EPHB2: variants seen among roughly 807,000 people sequenced by gnomAD.
EPHB2 encodes ephrin type-B receptor 2.
A neutral mutation model predicts 96.4 loss-of-function variants in EPHB2; 18 were observed. That is an observed-to-expected ratio of 0.19 (90% CI 0.13 to 0.28). EPHB2 has a LOEUF of 0.28. EPHB2 is among the 10% of genes least tolerant of loss of function. The probability of loss-of-function intolerance (pLI) is 1.00; values close to 1 mark genes in which losing one functional copy is unlikely to be tolerated. For synonymous variants in EPHB2, 506 were observed against 534.1 expected (o/e 0.95, Z 0.72); for missense variants, 989 against 1,355.4 (o/e 0.73, Z 4.25).
chr1:22,858,292 G>T lies in EPHB2; in HGVS notation c.812-4745G>T, dbSNP rs187335343. 1.4e-4 allele frequency among the ~76,000 whole-genome samples: 21 copies of T among 152,320 alleles called. No individual in the cohort carries two copies. In the East Asian group the frequency reaches 4.1e-3, roughly 29 times the overall value. ...CTCACAGGCCTTGTAGCCAGGCTAG[G>T]CATGTGGGTCTATTCTAAGTGCAGT... On this transcript the variant is annotated intron_variant, in intron 3 of 15. Transcript: ENST00000374630. This position sits in a 1 kb window ranked among gnomAD's most constrained non-coding sequence, Gnocchi z 7.7.
chr1:22,819,638 T>C (rs1645125042), intron 3 of EPHB2, among the ~76,000 whole-genome samples: 1 of 152,086 alleles, frequency 6.6e-6, no homozygotes, highest in Non-Finnish European at 1.5e-5. Context: ...TGACAGATCT[T>C]GACATGTCGT....
chr1:22,793,216 A>G (rs759351357), intron 3 of EPHB2, among the ~76,000 whole-genome samples: 3 of 152,192 alleles, frequency 2.0e-5, no homozygotes, highest in Non-Finnish European at 4.4e-5. Flanking sequence ...AGAACAGCTC[A>G]TTCATTTTTC....
intron 1 of EPHB2, among the ~76,000 whole-genome samples, chr1:22,773,181 G>A (rs1335905401): frequency 6.6e-6 from 1 of 152,206 alleles, no homozygotes; most frequent in Non-Finnish European, 1.5e-5. Flanking sequence ...CAAGGATTTT[G>A]TCATCTCCAT....
chr1:22,715,697 A>G (rs1643275324), intron 1 of EPHB2, among the ~76,000 whole-genome samples: 1 of 152,210 alleles, frequency 6.6e-6, no homozygotes, highest in East Asian at 1.9e-4. Context: ...TTAAAGAGTC[A>G]CCAGGCACCT....
At chr1:22,729,358 A>G (rs1643653511) in intron 1 of EPHB2, among the ~76,000 whole-genome samples, 1 of 152,350 alleles carries the variant, frequency 6.6e-6, no homozygotes, top group Middle Eastern at 3.4e-3. Context: ...ACAGAAACAC[A>G]CAGACCTATA....
rs1439420793 is a variant in EPHB2, at chr1:22,913,712, C to T, written c.*142C>T. 2.5e-6 allele frequency: 4 copies of T among 1,601,832 alleles called. No homozygotes were observed. The highest frequency in any genetic ancestry group is 3.4e-6 in the Non-Finnish European group (4 of 1,174,348). ...CACGGGAAGAACCAAGCGGTGCCAG[C>T]CACGAGACGTCACCAAGAAAACATG... On this transcript the variant is annotated 3_prime_UTR_variant, in exon 16 of 16. Coordinates refer to ENST00000374630, the MANE Select transcript of EPHB2 (RefSeq NM_017449.5). This position sits in a 1 kb window ranked among gnomAD's most constrained non-coding sequence, Gnocchi z 4.1.
chr1:22,865,947 C>T (rs1039328095), intron 5 of EPHB2, among the ~76,000 whole-genome samples: 11 of 152,032 alleles, frequency 7.2e-5, no homozygotes, highest in Admixed American at 4.6e-4. Flanking sequence ...CTTTCCTTCA[C>T]GGCAAAAAAG....
At chr1:22,807,370 T>G (rs1295544806) in intron 3 of EPHB2, among the ~76,000 whole-genome samples, 2 of 152,152 alleles carry the variant, frequency 1.3e-5, no homozygotes, top group Non-Finnish European at 2.9e-5. Flanking sequence ...ATATCCCCAT[T>G]TTATAGATGG....
chr1:22,898,974 G>T (rs1308971701), intron 9 of EPHB2, among the ~76,000 whole-genome samples: 2 of 152,128 alleles, frequency 1.3e-5, no homozygotes, highest in Admixed American at 6.5e-5. Context: ...CACTTTAGGA[G>T]GCCAAGGTCG....
At chr1:22,744,904 T>C (rs1271160900) in intron 1 of EPHB2, among the ~76,000 whole-genome samples, 1 of 151,878 alleles carries the variant, frequency 6.6e-6, no homozygotes, top group Non-Finnish European at 1.5e-5. Flanking sequence ...AGAAAGCATA[T>C]TCACTATTCA....
In EPHB2 at chr1:22,858,242, C is replaced by T. The variant is rs952830744; in HGVS notation, c.812-4795C>T. Among the ~76,000 whole-genome samples, 5 of 152,108 alleles carry T rather than the reference C, an allele frequency of 3.3e-5. No homozygotes were observed. Among genetic ancestry groups the T allele is most frequent in the African/African-American group, 4.8e-5 (2 of 41,422 alleles). On this transcript the variant is annotated intron_variant, in intron 3 of 15. Coordinates refer to ENST00000374630, the MANE Select transcript of EPHB2 (RefSeq NM_017449.5). This position sits in a 1 kb window ranked among gnomAD's most constrained non-coding sequence, Gnocchi z 7.7. ...AGTGAGTGAGAGGAGGAGGGGGAAG[C>T]GTCCAGGAGACCATCAGGACCAACC...
At chr1:22,868,256 A>G (rs768204486) in intron 5 of EPHB2, among the ~76,000 whole-genome samples, 23 of 152,292 alleles carry the variant, frequency 1.5e-4, no homozygotes, top group Admixed American at 2.6e-4. Context: ...ATAGGCACAC[A>G]GGGAGAGCCC....
intron 1 of EPHB2, among the ~76,000 whole-genome samples, chr1:22,771,306 A>G (rs1029506690): frequency 6.6e-6 from 1 of 152,226 alleles, no homozygotes; most frequent in Non-Finnish European, 1.5e-5. Flanking sequence ...CACCAGGGTC[A>G]TCAGGGAAGC....
chr1:22,903,105 G>T lies in EPHB2; in HGVS notation c.1766-2882G>T, dbSNP rs569014836. Reference sequence around the variant, plus strand: ...GGAGAGCTGGGAATGCCAGGCAGGGGCATGCAGCTTTGTCCTGCAAGCAAC... The same window carrying T: ...GGAGAGCTGGGAATGCCAGGCAGGGTCATGCAGCTTTGTCCTGCAAGCAAC... On this transcript the variant is annotated intron_variant, in intron 9 of 15. Coordinates refer to ENST00000374630, the MANE Select transcript of EPHB2 (RefSeq NM_017449.5). 2.8e-4 allele frequency among the ~76,000 whole-genome samples: 43 copies of T among 152,358 alleles called. 1 individual carries two copies. Among genetic ancestry groups the T allele is most frequent in the African/African-American group, 9.9e-4 (41 of 41,584 alleles).
intron 4 of EPHB2, among the ~76,000 whole-genome samples, chr1:22,863,739 G>A (rs914879833): frequency 2.0e-5 from 3 of 152,326 alleles, no homozygotes; most frequent in Non-Finnish European, 4.4e-5. Flanking sequence ...GGCAATCCAC[G>A]ATGGCCTTTG....
intron 1 of EPHB2, among the ~76,000 whole-genome samples, chr1:22,748,064 G>T (rs1470603773): frequency 6.6e-6 from 1 of 152,206 alleles, no homozygotes; most frequent in African/African-American, 2.4e-5. Flanking sequence ...TCAACTTCCT[G>T]CTACCACTTG....
intron 3 of EPHB2, chr1:22,836,981 G>A (rs1422555768): frequency 6.6e-6 from 1 of 152,412 alleles, no homozygotes; most frequent in African/African-American, 2.4e-5. Context: ...AGGTACAGGA[G>A]GTGGGAAGAG....
intron 1 of EPHB2, among the ~76,000 whole-genome samples, chr1:22,762,763 A>T (rs528410115): frequency 1.4e-4 from 21 of 152,272 alleles, no homozygotes; most frequent in African/African-American, 4.8e-4. Flanking sequence ...CCACTATTGT[A>T]ATCCATCTCA....
chr1:22,889,604 C>A (rs1200056404), intron 6 of EPHB2, among the ~76,000 whole-genome samples: 1 of 152,092 alleles, frequency 6.6e-6, no homozygotes, highest in Non-Finnish European at 1.5e-5. Flanking sequence ...TATATTAGGA[C>A]AATAGGTGGG....
Sources: allele counts gnomAD v4.1 joint callset (sites outside exome capture counted in the v4.1 genomes callset), GRCh38; gene constraint gnomAD v4.1.1; non-coding constraint Gnocchi (gnomAD v3.1); transcripts MANE v1.5; gene names NCBI Gene and HGNC (gene_info 2026-07-23, HGNC 2026-07-21).